Variants in PTPN1 observed in about 807,000 individuals in gnomAD.
PTPN1 encodes the protein protein tyrosine phosphatase non-receptor type 1.
A neutral mutation model predicts 59.9 loss-of-function variants in PTPN1; 12 were observed. The observed-to-expected ratio is 0.20, with a 90% CI of 0.13 to 0.32. The LOEUF (loss-of-function observed/expected upper bound fraction) is 0.32, where lower values mean the gene tolerates loss of function less well. Among genes scored for constraint, PTPN1 ranks in the 10% least tolerant of loss-of-function variants. The pLI, the probability that PTPN1 is intolerant of heterozygous loss-of-function variation, is 1.00. For missense variants in PTPN1, 356 were observed against 549.2 expected (o/e 0.65, Z 3.52); for synonymous variants, 178 against 203.6 (o/e 0.87, Z 1.07).
rs886102132 is a variant in PTPN1, at chr20:50,544,283, T to C, written c.64-17080T>C. On this transcript the variant is annotated intron_variant, in intron 1 of 9. Transcript: ENST00000371621. ...CTCCCACCTCAGCGTCCCGAGTAGC[T>C]GGGACCACAGACATGTACCACCACA... 2.0e-5 allele frequency among the ~76,000 whole-genome samples: 3 copies of C among 152,256 alleles called. No individual in the cohort carries two copies. The South Asian group carries it at 6.2e-4, about 32-fold the overall frequency.
chr20:50,527,185 C>T (rs985736440), intron 1 of PTPN1, among the ~76,000 whole-genome samples: 3 of 152,182 alleles, frequency 2.0e-5, no homozygotes, highest in African/African-American at 7.2e-5. Context: ...TTCTCAGCTT[C>T]CTCCAGCCGA....
chr20:50,575,125 C>A (rs556512787), intron 5 of PTPN1: 2 of 155,102 alleles, frequency 1.3e-5, no homozygotes, highest in Admixed American at 1.3e-4. Context: ...ATAACACCAG[C>A]TACTTGCTTG....
intron 4 of PTPN1, chr20:50,572,685 G>A (rs1321648260): frequency 6.6e-6 from 1 of 152,180 alleles, no homozygotes; most frequent in African/African-American, 2.4e-5. Flanking sequence ...CACGGGTGGG[G>A]TGGAACCTGT....
intron 1 of PTPN1, among the ~76,000 whole-genome samples, chr20:50,513,330 A>G (rs1293238206): frequency 6.6e-6 from 1 of 152,206 alleles, no homozygotes; most frequent in Non-Finnish European, 1.5e-5. Context: ...GATTGGGCCT[A>G]GCTGTCTAAG....
At chr20:50,536,035 G>C (rs1435580835) in intron 1 of PTPN1, among the ~76,000 whole-genome samples, 1 of 152,136 alleles carries the variant, frequency 6.6e-6, no homozygotes, top group Non-Finnish European at 1.5e-5. Context: ...GGCAATTTAA[G>C]GTATGTTTTC....
chr20:50,548,070 C>T (rs1179370153), intron 1 of PTPN1, among the ~76,000 whole-genome samples: 1 of 152,060 alleles, frequency 6.6e-6, no homozygotes, highest in African/African-American at 2.4e-5. Flanking sequence ...GACCGTTTGC[C>T]TCCGTGTCTC....
chr20:50,515,796 C>T (rs566764150), intron 1 of PTPN1, among the ~76,000 whole-genome samples: 4 of 152,276 alleles, frequency 2.6e-5, no homozygotes, highest in African/African-American at 7.2e-5. Context: ...GGCTCCCACT[C>T]TAGGGGGGCA....
At chr20:50,537,821 G>C (rs1402687568) in intron 1 of PTPN1, among the ~76,000 whole-genome samples, 1 of 152,190 alleles carries the variant, frequency 6.6e-6, no homozygotes, top group Non-Finnish European at 1.5e-5. Flanking sequence ...AACCAACAGA[G>C]AACCATTGAA....
At chr20:50,542,349 C>T (rs2082656850) in intron 1 of PTPN1, among the ~76,000 whole-genome samples, 1 of 152,156 alleles carries the variant, frequency 6.6e-6, no homozygotes, top group African/African-American at 2.4e-5. Context: ...TGATTTTTAG[C>T]ACAGTAGGAA....
chr20:50,541,248 T>C (rs2082650788), intron 1 of PTPN1, among the ~76,000 whole-genome samples: 1 of 152,218 alleles, frequency 6.6e-6, no homozygotes, highest in Non-Finnish European at 1.5e-5. Context: ...ACTTGGTCAC[T>C]GGTACTTTCT....
rs892145320 is a variant in PTPN1, at chr20:50,582,264, C to T, written c.1285-428C>T. Among the ~76,000 whole-genome samples the T allele has an allele frequency of 1.3e-5, 2 of 152,242 alleles. No homozygotes were observed. The highest frequency in any genetic ancestry group is 2.4e-5 in the African/African-American group (1 of 41,474). On this transcript the variant is annotated intron_variant, in intron 9 of 9. Coordinates refer to ENST00000371621, the MANE Select transcript of PTPN1 (RefSeq NM_002827.4). This position sits in a 1 kb window ranked among gnomAD's most constrained non-coding sequence, Gnocchi z 4.2. ...TCTGCCTGGGGGTCAGAGGTCACCACAGGGTGGCCATTGGCATGTCAACCC... is the reference window on the plus strand; with the variant it reads ...TCTGCCTGGGGGTCAGAGGTCACCATAGGGTGGCCATTGGCATGTCAACCC...
chr20:50,565,833 C>T (rs1051892566), intron 3 of PTPN1, among the ~76,000 whole-genome samples: 4 of 152,028 alleles, frequency 2.6e-5, no homozygotes, highest in East Asian at 3.9e-4. Flanking sequence ...GGCCACAGGG[C>T]GATTTTGAAC....
chr20:50,528,100 T>C (rs773196427), intron 1 of PTPN1, among the ~76,000 whole-genome samples: 1 of 152,208 alleles, frequency 6.6e-6, no homozygotes, highest in Non-Finnish European at 1.5e-5. Context: ...TTCCTCTGCC[T>C]GGAATATCCT....
At chr20:50,576,121 T>C (rs1291084462) in intron 5 of PTPN1, among the ~76,000 whole-genome samples, 1 of 152,088 alleles carries the variant, frequency 6.6e-6, no homozygotes, top group Non-Finnish European at 1.5e-5. Flanking sequence ...GGGCAGAGGG[T>C]TCTGAGTACG....
rs923877971 is a variant in PTPN1, at chr20:50,568,905, G to A, written c.354+427G>A. 3.9e-5 allele frequency among the ~76,000 whole-genome samples: 6 copies of A among 152,142 alleles called. No homozygotes were observed. The highest frequency in any genetic ancestry group is 7.4e-5 in the Non-Finnish European group (5 of 68,020). On this transcript the variant is annotated intron_variant, in intron 4 of 9. Transcript: ENST00000371621. The surrounding 1 kb of genome is among the most constrained non-coding windows in gnomAD (Gnocchi z 5.6). ...CCTCTGCGGAGCTGTGGGAGCGGCT[G>A]ACTAGATGAGATTTGCCTCCATTCA...
At chr20:50,521,166 A>T (rs572855150) in intron 1 of PTPN1, among the ~76,000 whole-genome samples, 14 of 152,372 alleles carry the variant, frequency 9.2e-5, no homozygotes, top group Admixed American at 3.3e-4. Flanking sequence ...ATTATATTTT[A>T]AAATTCCTGA....
At chr20:50,515,270 C>G (rs2082524147) in intron 1 of PTPN1, among the ~76,000 whole-genome samples, 1 of 152,182 alleles carries the variant, frequency 6.6e-6, no homozygotes, top group South Asian at 2.1e-4. Context: ...GCCCTTCATT[C>G]CTCTATACCA....
chr20:50,538,234 AAAAC>A (rs2082632769), intron 1 of PTPN1, among the ~76,000 whole-genome samples: 1 of 152,040 alleles, frequency 6.6e-6, no homozygotes, highest in Non-Finnish European at 1.5e-5. Context: ...TAAAAAAAAA[AAAAC>A]AGAAATGTGA....
intron 1 of PTPN1, among the ~76,000 whole-genome samples, chr20:50,550,430 TC>T (rs2082697383): frequency 6.6e-6 from 1 of 152,256 alleles, no homozygotes; most frequent in Admixed American, 6.5e-5. Context: ...AATTACTCTT[TC>T]TGCTTTGAAT....
Sources: allele counts gnomAD v4.1 joint callset (sites outside exome capture counted in the v4.1 genomes callset), GRCh38; gene constraint gnomAD v4.1.1; non-coding constraint Gnocchi (gnomAD v3.1); transcripts MANE v1.5; gene names NCBI Gene and HGNC (gene_info 2026-07-23, HGNC 2026-07-21).